Variants in PTPRD observed in about 807,000 individuals in gnomAD.
PTPRD encodes receptor-type tyrosine-protein phosphatase delta.
In PTPRD, 34 loss-of-function variants were observed where a neutral mutation model predicts 214.5. That is an observed-to-expected ratio of 0.16 (90% CI 0.12 to 0.21). The LOEUF (loss-of-function observed/expected upper bound fraction) is 0.21. PTPRD is among the 10% of genes least tolerant of loss of function. The pLI is 1.00. For synonymous variants in PTPRD, 1,128 were observed against 845.7 expected, an observed-to-expected ratio of 1.33 and a Z score of -5.79; for missense variants, 2,545 against 2,398.7, an observed-to-expected ratio of 1.06 and a Z score of -1.27.
At chr9:10,591,976 G>T (rs190312670) in intron 2 of PTPRD, among the ~76,000 whole-genome samples, 68 of 152,198 alleles carry the variant, frequency 4.5e-4, no homozygotes, top group African/African-American at 1.6e-3. Context: ...TTCTGAGCTA[G>T]AATCACACAG....
At chr9:8,599,677 G>GCAA (rs1356836825) in intron 14 of PTPRD, among the ~76,000 whole-genome samples, 1 of 137,590 alleles carries the variant, frequency 7.3e-6, no homozygotes, top group Non-Finnish European at 1.5e-5. Context: ...AGGCTGGAGT[G>GCAA]CAACGGCGCG....
At chr9:10,060,926 TTCTTTC>T (rs1381754594) in intron 3 of PTPRD, among the ~76,000 whole-genome samples, 2 of 129,238 alleles carry the variant, frequency 1.5e-5, no homozygotes, top group Non-Finnish European at 3.0e-5. Context: ...CTTTCTTTCT[TTCTTTC>T]TTTCTTTCTT....
At chr9:10,153,602 T>C (rs2099075453) in intron 3 of PTPRD, among the ~76,000 whole-genome samples, 1 of 152,038 alleles carries the variant, frequency 6.6e-6, no homozygotes, top group South Asian at 2.1e-4. Flanking sequence ...GGTGAACTAC[T>C]GTCACTGAGG....
chr9:9,220,379 C>T (rs2099955104), intron 9 of PTPRD, among the ~76,000 whole-genome samples: 1 of 148,302 alleles, frequency 6.7e-6, no homozygotes, highest in South Asian at 2.1e-4. Flanking sequence ...AGTTTAGAGG[C>T]AGAAAGCATT....
intron 3 of PTPRD, among the ~76,000 whole-genome samples, chr9:10,122,348 T>C (rs1468157350): frequency 6.6e-6 from 1 of 152,114 alleles, no homozygotes; most frequent in Non-Finnish European, 1.5e-5. Flanking sequence ...TTATCATATA[T>C]GAAATACCAC....
At chr9:8,567,275 A>G (rs1463598899) in intron 14 of PTPRD, among the ~76,000 whole-genome samples, 1 of 152,188 alleles carries the variant, frequency 6.6e-6, no homozygotes, top group African/African-American at 2.4e-5. Context: ...TTCTGCCTCA[A>G]ATATCACAAC....
intron 14 of PTPRD, among the ~76,000 whole-genome samples, chr9:8,564,816 G>C (rs1420067565): frequency 6.6e-6 from 1 of 152,154 alleles, no homozygotes; most frequent in Non-Finnish European, 1.5e-5. Context: ...GTGGGTTGGT[G>C]TGCATTCACT....
intron 3 of PTPRD, among the ~76,000 whole-genome samples, chr9:10,256,427 C>T (rs1019227238): frequency 2.2e-4 from 33 of 150,162 alleles, no homozygotes; most frequent in African/African-American, 7.9e-4. Context: ...GGAGTACACT[C>T]TAACATAATA....
At chr9:10,196,144 A>G (rs553003209) in intron 3 of PTPRD, among the ~76,000 whole-genome samples, 1 of 152,306 alleles carries the variant, frequency 6.6e-6, no homozygotes, top group Admixed American at 6.5e-5. Context: ...TTGAACTTTA[A>G]TGCATGGACT....
chr9:9,981,355 T>A (rs1566905958), intron 4 of PTPRD, among the ~76,000 whole-genome samples: 1 of 9,648 alleles, frequency 1.0e-4, no homozygotes, highest in African/African-American at 2.9e-4. Context: ...CATTAAACAA[T>A]TTTTTTTTTT....
intron 3 of PTPRD, among the ~76,000 whole-genome samples, chr9:10,336,729 T>C (rs527748858): frequency 1.0e-3 from 152 of 151,360 alleles, no homozygotes; most frequent in African/African-American, 3.4e-3. Context: ...CAAATAACAA[T>C]CGGCAGAAAC....
intron 3 of PTPRD, among the ~76,000 whole-genome samples, chr9:10,246,444 A>T (rs539464745): frequency 6.6e-6 from 1 of 152,118 alleles, no homozygotes; most frequent in Non-Finnish European, 1.5e-5. Context: ...GGTTTTCACC[A>T]TGTTGGCCAG....
At chr9:8,938,971 G>A (rs906827273) in intron 11 of PTPRD, among the ~76,000 whole-genome samples, 1 of 152,062 alleles carries the variant, frequency 6.6e-6, no homozygotes, top group African/African-American at 2.4e-5. Context: ...GAGCTTGCTG[G>A]CACTCATAGT....
chr9:8,450,734 T>C (rs2133551511), intron 33 of PTPRD, among the ~76,000 whole-genome samples: 1 of 152,328 alleles, frequency 6.6e-6, no homozygotes, highest in African/African-American at 2.4e-5. Context: ...GATCTGTATA[T>C]AAGATTTCTT....
intron 5 of PTPRD, among the ~76,000 whole-genome samples, chr9:9,926,519 A>G (rs12004295): frequency 0.27 from 40,498 of 152,004 alleles, 11,545 homozygotes; most frequent in African/African-American, 0.69. Flanking sequence ...TACAACAGAG[A>G]AAAAGAGCAG....
At chr9:9,303,234 ATAC>A (rs1032599769) in intron 9 of PTPRD, among the ~76,000 whole-genome samples, 30 of 151,964 alleles carry the variant, frequency 2.0e-4, no homozygotes, top group African/African-American at 6.3e-4. Flanking sequence ...ACATCAATAA[ATAC>A]TACTAATGAT....
chr9:9,501,110 CA>C (rs1468438320), intron 8 of PTPRD, among the ~76,000 whole-genome samples: 1 of 150,532 alleles, frequency 6.6e-6, no homozygotes, highest in East Asian at 2.0e-4. Flanking sequence ...ATTAATGGGC[CA>C]AAAAAACAAT....
chr9:10,343,392 G>C (rs975323295), intron 2 of PTPRD, among the ~76,000 whole-genome samples: 2 of 152,116 alleles, frequency 1.3e-5, no homozygotes, highest in African/African-American at 4.8e-5. Flanking sequence ...GGACATTCTG[G>C]TTGGTTCCAA....
chr9:8,824,241 T>A (rs1170531054), intron 11 of PTPRD, among the ~76,000 whole-genome samples: 1 of 152,216 alleles, frequency 6.6e-6, no homozygotes, highest in Non-Finnish European at 1.5e-5. Context: ...TACCCAGCTT[T>A]TATTTAAGAT....
Sources: gnomAD v4.1 joint callset for allele counts (sites outside exome capture counted in the v4.1 genomes callset) on GRCh38, gnomAD v4.1.1 for gene constraint, MANE v1.5 for transcripts, NCBI Gene and HGNC (gene_info 2026-07-23, HGNC 2026-07-21) for gene names.